The following STPG1 variants were observed in gnomAD, a reference collection of about 807,000 sequenced individuals.
STPG1 encodes the protein O(6)-methylguanine-induced apoptosis 2.
A neutral mutation model predicts 40.1 loss-of-function variants in STPG1; 33 were observed. The observed-to-expected ratio is 0.82, with a 90% CI of 0.62 to 1.10. STPG1 has a LOEUF of 1.10. Among genes scored for constraint, STPG1 ranks in the 50% least tolerant of loss-of-function variants. The probability of loss-of-function intolerance (pLI) is 0.00; values close to 1 mark genes in which losing one functional copy is unlikely to be tolerated. For missense variants in STPG1, 396 were observed against 415.1 expected, an observed-to-expected ratio of 0.95 and a Z score of 0.40; for synonymous variants, 150 against 155.0, an observed-to-expected ratio of 0.97 and a Z score of 0.24.
intron 6 of STPG1, 37 bp from the exon 7 acceptor site, chr1:24,369,876 T>C (rs772146036): frequency 2.0e-6 from 3 of 1,529,656 alleles, no homozygotes; most frequent in Non-Finnish European, 2.7e-6. Flanking sequence ...AATAAGGAAC[T>C]CTTCTCAAGT....
chr1:24,379,623 G>A (rs3765428), intron 5 of STPG1, 30 bp downstream of exon 5: 577,198 of 1,604,160 alleles, frequency 0.36, 105,930 homozygotes, highest in African/African-American at 0.49. Flanking sequence ...AATTCGATCT[G>A]TATTTAGCAA....
chr1:24,370,084 C>T (rs1557436884), intron 6 of STPG1, among the ~76,000 whole-genome samples: 1 of 152,136 alleles, frequency 6.6e-6, no homozygotes, highest in East Asian at 1.9e-4. Flanking sequence ...TTACTGCTTT[C>T]ATTCTACACA....
intron 7 of STPG1, chr1:24,369,168 G>A (rs1196670483): frequency 2.8e-6 from 1 of 361,484 alleles, no homozygotes; most frequent in East Asian, 7.7e-5. Context: ...TCACCAACTC[G>A]AAAGTCAGGG....
intron 1 of STPG1, chr1:24,411,802 T>A (rs1270767154): frequency 1.3e-5 from 2 of 152,306 alleles, no homozygotes; most frequent in South Asian, 4.1e-4. Flanking sequence ...AAATAAGGGA[T>A]GGCTGGGTGG....
chr1:24,412,493 C>T (rs113584367), intron 1 of STPG1, among the ~76,000 whole-genome samples: 4 of 152,122 alleles, frequency 2.6e-5, no homozygotes, highest in African/African-American at 7.2e-5. Flanking sequence ...ATGTTTATTA[C>T]TTTATTTGTT....
chr1:24,389,461 A>G (rs1383783703), intron 3 of STPG1, among the ~76,000 whole-genome samples: 1 of 152,134 alleles, frequency 6.6e-6, no homozygotes, highest in Non-Finnish European at 1.5e-5. Flanking sequence ...GTTGAGGTCT[A>G]ATTCTTTCAA....
intron 2 of STPG1, among the ~76,000 whole-genome samples, chr1:24,396,225 A>G (rs1311618841): frequency 1.3e-5 from 2 of 152,176 alleles, no homozygotes; most frequent in Non-Finnish European, 2.9e-5. Context: ...AACTTTTTCT[A>G]AGGGCCAGAT....
intron 1 of STPG1, among the ~76,000 whole-genome samples, chr1:24,409,155 C>T (rs575271172): frequency 6.6e-6 from 1 of 152,216 alleles, no homozygotes; most frequent in South Asian, 2.1e-4. Context: ...ATAGCTTGAG[C>T]TCATGACCAG....
intron 1 of STPG1, among the ~76,000 whole-genome samples, chr1:24,404,392 T>C (rs1172111945): frequency 2.0e-5 from 3 of 152,230 alleles, no homozygotes; most frequent in Non-Finnish European, 1.5e-5. Context: ...TAGCTTTCCT[T>C]TTCATTTTAA....
intron 1 of STPG1, among the ~76,000 whole-genome samples, chr1:24,406,223 T>C (rs1557464333): frequency 6.6e-6 from 1 of 152,098 alleles, no homozygotes; most frequent in Non-Finnish European, 1.5e-5. Flanking sequence ...TTATGTATAG[T>C]GATTAAGGTT....
intron 5 of STPG1, among the ~76,000 whole-genome samples, chr1:24,375,779 T>C (rs1419771439): frequency 6.6e-6 from 1 of 152,124 alleles, no homozygotes; most frequent in African/African-American, 2.4e-5. Context: ...TCAGCTTTAT[T>C]TTTCACCCAG....
At chr1:24,374,851 C>T (rs112341108) in intron 5 of STPG1, among the ~76,000 whole-genome samples, 426 of 151,910 alleles carry the variant, frequency 2.8e-3, no homozygotes, top group African/African-American at 9.8e-3. Flanking sequence ...GTCTTGAACT[C>T]CTAGACTCAA....
intron 5 of STPG1, among the ~76,000 whole-genome samples, chr1:24,374,153 T>G (rs1382268459): frequency 6.6e-6 from 1 of 151,816 alleles, no homozygotes; most frequent in Non-Finnish European, 1.5e-5. Context: ...AGTTTTCTCA[T>G]CTGTAAAACG....
Position 24,383,987 on chromosome 1 carries a change from G to C in STPG1, c.206C>G (p.Pro69Arg), listed in dbSNP as rs769238703. 8.2e-5 allele frequency: 132 copies of C among 1,612,210 alleles called. No homozygotes were observed. Among genetic ancestry groups the C allele is most frequent in the Non-Finnish European group, 1.1e-4 (129 of 1,178,350 alleles). ...CTGGTGAATAACATTGTAGAACCCA[G>C]GTCCTGGGATATCATTCTGAAAGGG... ...FPHKKNDIPG[P>R]GFYNVIHQSP... Residue 69 changes from proline to arginine, a missense_variant, in exon 4 of 9, where the codon CCT becomes CGT. Transcript: ENST00000337248.
intron 7 of STPG1, among the ~76,000 whole-genome samples, chr1:24,367,457 T>C (rs1342396221): frequency 6.6e-6 from 1 of 152,228 alleles, no homozygotes; most frequent in African/African-American, 2.4e-5. Flanking sequence ...CTGTATTGTA[T>C]AATATAGCCT....
chr1:24,370,969 C>G (rs1401325451), intron 6 of STPG1, among the ~76,000 whole-genome samples: 1 of 152,046 alleles, frequency 6.6e-6, no homozygotes, highest in Non-Finnish European at 1.5e-5. Context: ...CTGCTTGTCT[C>G]CAAAGCCCAC....
In STPG1 at chr1:24,399,020, CATTAT is replaced by C. The variant is rs1231183173; in HGVS notation, c.70+2294_70+2298del. 3.3e-5 allele frequency among the ~76,000 whole-genome samples: 5 copies of C among 151,950 alleles called. No homozygotes were observed. Among genetic ancestry groups the C allele is most frequent in the African/African-American group, 9.7e-5 (4 of 41,378 alleles). ...TAGCTACCCAGATTTGATCATCGCA[CATTAT>C]ATTCTTGTATCAAAATATCATGTGT... On this transcript the variant is annotated intron_variant, in intron 2 of 8. Transcript: ENST00000337248. The surrounding 1 kb of genome is among the most constrained non-coding windows in gnomAD (Gnocchi z 4.0).
chr1:24,363,833 G>A (rs1641278731), intron 7 of STPG1, among the ~76,000 whole-genome samples: 1 of 152,174 alleles, frequency 6.6e-6, no homozygotes, highest in Non-Finnish European at 1.5e-5. Flanking sequence ...CAAAAGCATG[G>A]AATGGGGAAA....
chr1:24,379,886 T>A, intron 4 of STPG1, 63 bp from the exon 5 acceptor site: 1 of 1,535,186 alleles, frequency 6.5e-7, no homozygotes, highest in Non-Finnish European at 8.9e-7. Flanking sequence ...GAAGGACAGA[T>A]GTCAAAAAGA....
Sources: allele counts gnomAD v4.1 joint callset (sites outside exome capture counted in the v4.1 genomes callset), GRCh38; gene constraint gnomAD v4.1.1; non-coding constraint Gnocchi (gnomAD v3.1); transcripts MANE v1.5; gene names NCBI Gene and HGNC (gene_info 2026-07-23, HGNC 2026-07-21).